Variants in SHISAL1 observed in about 807,000 individuals in gnomAD.
The protein encoded by SHISAL1 is protein shisa-like-1.
A neutral mutation model predicts 22.6 loss-of-function variants in SHISAL1; 9 were observed. The ratio of observed to expected loss-of-function variants is 0.40; its 90% CI spans 0.24 to 0.70. SHISAL1 has a LOEUF of 0.70. Ranked by LOEUF, SHISAL1 falls within the 30% of genes least tolerant of loss-of-function variation. The pLI is 0.39. For synonymous variants in SHISAL1, 119 were observed against 115.4 expected, an observed-to-expected ratio of 1.03 and a Z score of -0.20; for missense variants, 246 against 270.6, an observed-to-expected ratio of 0.91 and a Z score of 0.64.
At chr22:44,262,352 G>T (rs550581738) in intron 4 of SHISAL1, among the ~76,000 whole-genome samples, 171 of 152,082 alleles carry the variant, frequency 1.1e-3, no homozygotes, top group African/African-American at 3.9e-3. Context: ...TCTGCCAGGA[G>T]AAGGTGTCTG....
intron 1 of SHISAL1, among the ~76,000 whole-genome samples, chr22:44,301,932 T>C (rs2055432617): frequency 6.6e-6 from 1 of 151,936 alleles, no homozygotes; most frequent in Non-Finnish European, 1.5e-5. Flanking sequence ...GGGGAGTGAA[T>C]GTTTCATGGG....
At chr22:44,256,357 C>T (rs2055085170) in intron 4 of SHISAL1, among the ~76,000 whole-genome samples, 1 of 152,174 alleles carries the variant, frequency 6.6e-6, no homozygotes, top group African/African-American at 2.4e-5. Context: ...CCCTGGGTCT[C>T]CAGCTTGCTA....
At chr22:44,256,464 T>G (rs1231953612) in intron 4 of SHISAL1, among the ~76,000 whole-genome samples, 1 of 152,230 alleles carries the variant, frequency 6.6e-6, no homozygotes, top group Non-Finnish European at 1.5e-5. Context: ...TGGTTCTGTT[T>G]CTCTGGAACA....
chr22:44,273,696 A>T (rs1050740796), intron 4 of SHISAL1, among the ~76,000 whole-genome samples: 36 of 152,194 alleles, frequency 2.4e-4, no homozygotes, highest in Admixed American at 2.4e-3. Context: ...TACAAACATG[A>T]CTTGATTTCA....
chr22:44,322,514 A>C, the SHISAL1 span, among the ~76,000 whole-genome samples: 36 of 152,308 alleles, frequency 2.4e-4, no homozygotes, highest in African/African-American at 8.4e-4. Flanking sequence ...ATGGAGCCCA[A>C]ACACCTCCCT....
At chr22:44,327,685 A>G in the SHISAL1 span, among the ~76,000 whole-genome samples, 1 of 152,052 alleles carries the variant, frequency 6.6e-6, no homozygotes, top group African/African-American at 2.4e-5. Context: ...GAAGGAGGGA[A>G]GGGGTGCAAA....
chr22:44,270,639 CCA>C (rs2055199440), intron 4 of SHISAL1, among the ~76,000 whole-genome samples: 1 of 152,144 alleles, frequency 6.6e-6, no homozygotes, highest in Non-Finnish European at 1.5e-5. Context: ...CTCTGTGAGA[CCA>C]CAGAGAGGGT....
At chr22:44,328,040 T>C in the SHISAL1 span, among the ~76,000 whole-genome samples, 1 of 152,110 alleles carries the variant, frequency 6.6e-6, no homozygotes, top group African/African-American at 2.4e-5. Context: ...GGGGAGAAGC[T>C]AAAGCAGCCA....
chr22:44,322,421 G>C, the SHISAL1 span, among the ~76,000 whole-genome samples: 1 of 152,156 alleles, frequency 6.6e-6, no homozygotes, highest in African/African-American at 2.4e-5. Flanking sequence ...GGTCTCCTCA[G>C]GAGGGGACCA....
In SHISAL1 at chr22:44,250,712, C is replaced by T. The variant is rs118143635; in HGVS notation, c.*-1027G>A. On this transcript the variant is annotated intron_variant, in intron 4 of 4. Transcript: ENST00000381176. ...ATCTTGCATGCATGAGAATGAAAGA[C>T]GCTCACTAACACAGGTGGAGTAGAA... Among the ~76,000 whole-genome samples, 140 of 152,322 alleles carry T rather than the reference C, an allele frequency of 9.2e-4. 1 individual carries two copies. The highest frequency in any genetic ancestry group is 1.9e-3 in the South Asian group (9 of 4,818).
rs116271006 is a variant in SHISAL1 at position 44,260,825 on chromosome 22, T to C, written c.*-11140A>G. Among the ~76,000 whole-genome samples the C allele has an allele frequency of 8.5e-3, 1,297 of 152,138 alleles. 22 individuals are homozygous for C. The highest frequency in any genetic ancestry group is 0.03 in the African/African-American group (1,255 of 41,530). ...GGTGGGGGCAGCGTCACTCCTGACT[T>C]TGGCCGAGGCCTCCCCATGGTTGCC... On this transcript the variant is annotated intron_variant, in intron 4 of 4. Transcript: ENST00000381176.
chr22:44,309,636 G>A (rs963695149), intron 1 of SHISAL1, among the ~76,000 whole-genome samples: 4 of 152,194 alleles, frequency 2.6e-5, no homozygotes, highest in African/African-American at 9.7e-5. Flanking sequence ...ACTCATAAGA[G>A]TGTTTACCCC....
rs2055007936 is a variant in SHISAL1 at position 44,247,117 on chromosome 22, C to G, written c.*2568G>C. Reference sequence around the variant, plus strand: ...TCTATTTGGCAGTGACCTTTGACCCCAGGTGTCCAGGAGAGGGAGGCAAGG... The same window carrying G: ...TCTATTTGGCAGTGACCTTTGACCCGAGGTGTCCAGGAGAGGGAGGCAAGG... On this transcript the variant is annotated 3_prime_UTR_variant, in exon 5 of 5. Transcript: ENST00000381176. 1 of 152,616 alleles carries G rather than the reference C, an allele frequency of 6.6e-6. No individual in the cohort carries two copies. Among genetic ancestry groups the G allele is most frequent in the Non-Finnish European group, 1.5e-5 (1 of 68,386 alleles). 9.5% of individuals were successfully genotyped at this position (152,616 alleles called of 1,614,324 possible).
intron 4 of SHISAL1, among the ~76,000 whole-genome samples, chr22:44,269,269 CCCA>C (rs993787679): frequency 6.7e-6 from 1 of 149,870 alleles, no homozygotes; most frequent in Non-Finnish European, 1.5e-5. Context: ...CACACAGACA[CCCA>C]CAACACACAT....
In SHISAL1 at chr22:44,244,485, TAGG is replaced by T. The variant is rs1282499470; in HGVS notation, c.*5197_*5199del. ...ATCTGTCAGGGCTTTGATGTAAAGA[TAGG>T]AGTTTTAGGTACAGAGTAACTAACA... On this transcript the variant is annotated 3_prime_UTR_variant, in exon 5 of 5. Transcript: ENST00000381176. 1 of 152,150 alleles carries T rather than the reference TAGG, an allele frequency of 6.6e-6. No individual in the cohort carries two copies. Among genetic ancestry groups the T allele is most frequent in the African/African-American group, 2.4e-5 (1 of 41,428 alleles). 9.4% of individuals were successfully genotyped at this position (152,150 alleles called of 1,614,324 possible). A position where few individuals can be genotyped will look rare whatever the true frequency, so the allele number is the denominator to read the frequency against.
chr22:44,257,675 C>G (rs1601776603), intron 4 of SHISAL1, among the ~76,000 whole-genome samples: 1 of 152,172 alleles, frequency 6.6e-6, no homozygotes, highest in South Asian at 2.1e-4. Context: ...AAACTTAGAT[C>G]AGATGATTTG....
chr22:44,261,597 G>C (rs548922968), intron 4 of SHISAL1, among the ~76,000 whole-genome samples: 2 of 152,358 alleles, frequency 1.3e-5, no homozygotes, highest in South Asian at 2.1e-4. Flanking sequence ...CTGCTGCCCA[G>C]TGGGGCTATC....
chr22:44,312,386 G>A (rs1013216455), intron 1 of SHISAL1, among the ~76,000 whole-genome samples: 2 of 151,946 alleles, frequency 1.3e-5, no homozygotes, highest in African/African-American at 4.8e-5. Flanking sequence ...ACCCTCCCCC[G>A]AGCCTTTGGC....
chr22:44,281,329 G>A (rs1030670588), intron 4 of SHISAL1, among the ~76,000 whole-genome samples: 2 of 152,194 alleles, frequency 1.3e-5, no homozygotes. Flanking sequence ...ACAAGGGTAG[G>A]GAGTCCAGCA....
Sources: allele counts gnomAD v4.1 joint callset (sites outside exome capture counted in the v4.1 genomes callset), GRCh38; gene constraint gnomAD v4.1.1; transcripts MANE v1.5; gene names NCBI Gene and HGNC (gene_info 2026-07-23, HGNC 2026-07-21).